Variants in IFT81 observed in about 807,000 individuals in gnomAD.
IFT81 encodes the protein intraflagellar transport protein 81 homolog.
Under a neutral mutation model 102.6 loss-of-function variants are expected in IFT81, and 72 were observed. The ratio of observed to expected loss-of-function variants is 0.70; its 90% CI spans 0.58 to 0.85. IFT81 has a LOEUF of 0.85. IFT81 is among the 40% of genes least tolerant of loss of function. IFT81 has a pLI of 0.00. For missense variants in IFT81, 723 were observed against 787.3 expected (o/e 0.92, Z 0.98); for synonymous variants, 237 against 242.7 (o/e 0.98, Z 0.22).
chr12:110,213,700 C>G (rs1240290740), intron 18 of IFT81, among the ~76,000 whole-genome samples: 1 of 152,300 alleles, frequency 6.6e-6, no homozygotes, highest in East Asian at 1.9e-4. Context: ...GCTTGATTCA[C>G]TATTTACTGG....
At chr12:110,161,982 C>A (rs910148924) in intron 10 of IFT81, among the ~76,000 whole-genome samples, 2 of 152,210 alleles carry the variant, frequency 1.3e-5, no homozygotes, top group African/African-American at 4.8e-5. Flanking sequence ...TTAAGGAAAT[C>A]TCCCAAGAGT....
intron 14 of IFT81, among the ~76,000 whole-genome samples, chr12:110,195,400 G>A (rs900091397): frequency 6.6e-6 from 1 of 151,684 alleles, no homozygotes; most frequent in African/African-American, 2.4e-5. Context: ...TTAGTAGATC[G>A]TATTGTCTTA....
rs192923109 is a variant in IFT81, at chr12:110,215,701, T to C, written c.1849-2343T>C. ...TGCCCAGGCTGGATTCTCTCTCTCTTTTTTCCTACCGTGTCACTTATTGTC... is the reference window on the plus strand; with the variant it reads ...TGCCCAGGCTGGATTCTCTCTCTCTCTTTTCCTACCGTGTCACTTATTGTC... On this transcript the variant is annotated intron_variant, in intron 18 of 18. Transcript: ENST00000242591. 6.8e-3 allele frequency among the ~76,000 whole-genome samples: 1,032 copies of C among 151,648 alleles called. 1 individual carries two copies. The highest frequency in any genetic ancestry group is 9.4e-3 in the Non-Finnish European group (639 of 67,880).
intron 11 of IFT81, chr12:110,168,958 A>T (rs1410919915): frequency 6.6e-6 from 1 of 151,668 alleles, no homozygotes; most frequent in Non-Finnish European, 1.5e-5. Flanking sequence ...GTATATGAAG[A>T]GTGTGCTTTA....
In IFT81 at chr12:110,124,689, C is replaced by T. The variant is rs2137279881; in HGVS notation, c.-194C>T. 1 of 152,304 alleles carries T rather than the reference C, an allele frequency of 6.6e-6. No individual in the cohort carries two copies. Among genetic ancestry groups the T allele is most frequent in the East Asian group, 1.9e-4 (1 of 5,154 alleles). The allele number at this position is 152,304 out of a possible 1,614,324, so 9.4% of individuals were successfully genotyped here. On this transcript the variant is annotated 5_prime_UTR_variant, in exon 1 of 19. Coordinates refer to ENST00000242591, the MANE Select transcript of IFT81 (RefSeq NM_014055.4). Reference sequence around the variant, plus strand: ...CCCGGTCGGGTGTGGGGTCCCCTGTCCCCTGTCCCGAGCCCGGGGAGGGGG... The same window carrying T: ...CCCGGTCGGGTGTGGGGTCCCCTGTTCCCTGTCCCGAGCCCGGGGAGGGGG...
intron 12 of IFT81, among the ~76,000 whole-genome samples, chr12:110,185,554 T>G (rs1897493573): frequency 6.6e-6 from 1 of 152,022 alleles, no homozygotes; most frequent in South Asian, 2.1e-4. Flanking sequence ...ACACTTTAAC[T>G]TTGTTTACCT....
In IFT81 at chr12:110,139,427, TC is replaced by T. The variant is rs965453887; in HGVS notation, c.781+2569del. On this transcript the variant is annotated intron_variant, in intron 8 of 18. Coordinates refer to ENST00000242591, the MANE Select transcript of IFT81 (RefSeq NM_014055.4). ...CAGCGACTCACACCTATAATCATAC[TC>T]CTTTGGGAGGCCAAGGTAAGAGGAT... Among the ~76,000 whole-genome samples the T allele has an allele frequency of 1.1e-4, 16 of 150,880 alleles. 1 individual carries two copies. The highest frequency in any genetic ancestry group is 4.0e-4 in the Admixed American group (6 of 15,074).
intron 10 of IFT81, among the ~76,000 whole-genome samples, chr12:110,156,729 T>G (rs1895859311): frequency 6.6e-6 from 1 of 152,162 alleles, no homozygotes; most frequent in Non-Finnish European, 1.5e-5. Context: ...ACTCCTGACT[T>G]CAAGTGATCT....
intron 11 of IFT81, 79 bp downstream of exon 11, chr12:110,163,144 T>A: frequency 9.0e-7 from 1 of 1,108,142 alleles, no homozygotes; most frequent in African/African-American, 1.6e-5. Context: ...ACTTTCTTAG[T>A]GTGAATGTTA....
Position 110,218,104 on chromosome 12 carries a change from A to G in IFT81, c.1909A>G (p.Lys637Glu). The G allele has an allele frequency of 6.2e-7, 1 of 1,605,016 alleles. No homozygotes were observed. The change falls in exon 19 of 19, where the codon AAA (lysine) becomes GAA (glutamate). Residue 637 changes from lysine (K) to glutamate (E), a missense_variant. Coordinates refer to ENST00000242591, the MANE Select transcript of IFT81 (RefSeq NM_014055.4). ...ESHGPNMKQAKMWRDLEQLME... is the reference protein window; with the variant it reads ...ESHGPNMKQAEMWRDLEQLME... Reference sequence around the variant, plus strand: ...TCATGGTCCAAATATGAAACAAGCAAAAATGTGGCGTGATTTGGAACAATT... The same window carrying G: ...TCATGGTCCAAATATGAAACAAGCAGAAATGTGGCGTGATTTGGAACAATT...
intron 3 of IFT81, 79 bp downstream of exon 3, chr12:110,128,228 T>C: frequency 1.2e-6 from 1 of 848,758 alleles, no homozygotes. Flanking sequence ...TCAATCTTTG[T>C]AGGTAATACC....
intron 9 of IFT81, among the ~76,000 whole-genome samples, chr12:110,146,102 G>A (rs895206084): frequency 6.6e-6 from 1 of 152,134 alleles, no homozygotes; most frequent in Non-Finnish European, 1.5e-5. Flanking sequence ...GTGAGCCACC[G>A]TGCCCGGCCT....
chr12:110,154,757 C>G (rs1186300177), intron 10 of IFT81, among the ~76,000 whole-genome samples: 1 of 151,876 alleles, frequency 6.6e-6, no homozygotes, highest in African/African-American at 2.4e-5. Flanking sequence ...AAATAAGATA[C>G]TCTGTATGAT....
intron 8 of IFT81, among the ~76,000 whole-genome samples, chr12:110,139,866 T>TAAAATATAAAATAAAATAAA (rs1477964163): frequency 5.4e-5 from 7 of 130,092 alleles, no homozygotes; most frequent in African/African-American, 2.2e-4. Context: ...TAAAATAAAA[T>TAAAATATAAAATAAAATAAA]ATAAAATAAA....
intron 14 of IFT81, among the ~76,000 whole-genome samples, chr12:110,200,163 T>G (rs1167274528): frequency 6.6e-6 from 1 of 152,224 alleles, no homozygotes; most frequent in Non-Finnish European, 1.5e-5. Context: ...CATTTGTAGA[T>G]GCAGGCATGC....
At chr12:110,148,532 G>A (rs1432639952) in intron 10 of IFT81, among the ~76,000 whole-genome samples, 3 of 151,614 alleles carry the variant, frequency 2.0e-5, no homozygotes, top group African/African-American at 4.8e-5. Flanking sequence ...CTAGAGTGCA[G>A]TGGTGCGATC....
intron 11 of IFT81, among the ~76,000 whole-genome samples, chr12:110,163,999 A>G (rs1038307624): frequency 6.6e-6 from 1 of 152,158 alleles, no homozygotes; most frequent in Non-Finnish European, 1.5e-5. Context: ...AAACGTTAGT[A>G]GCAAACAGAT....
Position 110,211,205 on chromosome 12 carries a change from A to G in IFT81, c.1848+1989A>G, listed in dbSNP as rs1369645374. Among the ~76,000 whole-genome samples the G allele has an allele frequency of 2.7e-5, 3 of 111,538 alleles. No homozygotes were observed. In the Admixed American group the frequency reaches 3.3e-4, roughly 12 times the overall value. 73.2% of individuals were successfully genotyped at this position (111,538 alleles called of 152,430 possible). A position where few individuals can be genotyped will look rare whatever the true frequency, so the allele number is the denominator to read the frequency against. The stretch of plus-strand genomic sequence containing the variant: ...TTTTTTTTTTTTTTTTTGGCAATAT[A>G]TTAGGGAAGGGTCTCACTCTGTTAC... On this transcript the variant is annotated intron_variant, in intron 18 of 18. Coordinates refer to ENST00000242591, the MANE Select transcript of IFT81 (RefSeq NM_014055.4).
intron 14 of IFT81, among the ~76,000 whole-genome samples, chr12:110,195,912 A>G (rs1463756503): frequency 3.3e-5 from 5 of 152,124 alleles, no homozygotes; most frequent in African/African-American, 4.8e-5. Flanking sequence ...CTAGGGTTAA[A>G]TGTAGCTATG....
Sources: allele counts gnomAD v4.1 joint callset (sites outside exome capture counted in the v4.1 genomes callset), GRCh38; gene constraint gnomAD v4.1.1; transcripts MANE v1.5; gene names NCBI Gene and HGNC (gene_info 2026-07-23, HGNC 2026-07-21).